The following EBF1 variants were observed in gnomAD, a reference collection of about 807,000 sequenced individuals.
EBF1 encodes the protein transcription factor COE1.
Under a neutral mutation model 68.4 loss-of-function variants are expected in EBF1, and 10 were observed. The ratio of observed to expected loss-of-function variants is 0.15; its 90% CI spans 0.09 to 0.25. EBF1 has a LOEUF of 0.25. EBF1 is among the 10% of genes least tolerant of loss of function. The pLI is 1.00. For synonymous variants in EBF1, 298 were observed against 299.8 expected (o/e 0.99, Z 0.06); for missense variants, 509 against 794.4 (o/e 0.64, Z 4.32).
chr5:158,928,226 TG>T (rs1810088753), intron 6 of EBF1, among the ~76,000 whole-genome samples: 1 of 152,198 alleles, frequency 6.6e-6, no homozygotes, highest in Non-Finnish European at 1.5e-5. Context: ...CAATAGGACC[TG>T]CTCCATAGGC....
chr5:159,068,660 G>A (rs575249607), intron 6 of EBF1, among the ~76,000 whole-genome samples: 72 of 152,090 alleles, frequency 4.7e-4, no homozygotes, highest in Admixed American at 7.9e-4. Context: ...TTCATATGAT[G>A]TACATCATAT....
intron 6 of EBF1, among the ~76,000 whole-genome samples, chr5:158,911,815 A>T (rs1806044253): frequency 1.3e-5 from 2 of 152,212 alleles, no homozygotes; most frequent in African/African-American, 4.8e-5. Flanking sequence ...GCTAAAATGT[A>T]ACTATTAAGT....
intron 1 of EBF1, among the ~76,000 whole-genome samples, chr5:159,098,928 GAGAAAGAA>G (rs752355108): frequency 6.7e-6 from 1 of 149,220 alleles, no homozygotes; most frequent in Non-Finnish European, 1.5e-5. Flanking sequence ...AAGGAAGGAA[GAGAAAGAA>G]AGAAAGAAAA....
At chr5:158,908,788 G>A (rs1805229161) in intron 6 of EBF1, among the ~76,000 whole-genome samples, 3 of 152,210 alleles carry the variant, frequency 2.0e-5, no homozygotes. Flanking sequence ...CTCGGTGATT[G>A]GCAGCCAACT....
chr5:158,727,924 G>T (rs1289725997), intron 11 of EBF1, among the ~76,000 whole-genome samples: 1 of 152,160 alleles, frequency 6.6e-6, no homozygotes, highest in Non-Finnish European at 1.5e-5. Context: ...GAATGTGTGG[G>T]TGGTTGTATG....
intron 6 of EBF1, among the ~76,000 whole-genome samples, chr5:158,978,005 A>C (rs1028093564): frequency 1.3e-5 from 2 of 152,214 alleles, no homozygotes; most frequent in African/African-American, 4.8e-5. Context: ...TCACACCCAC[A>C]CGGTCTACCC....
chr5:159,022,760 G>A (rs1197633486), intron 6 of EBF1, among the ~76,000 whole-genome samples: 1 of 152,048 alleles, frequency 6.6e-6, no homozygotes, highest in Non-Finnish European at 1.5e-5. Flanking sequence ...AACGCCACTT[G>A]TTTCTCAAAG....
At chr5:159,068,417 A>G (rs1240531568) in intron 6 of EBF1, among the ~76,000 whole-genome samples, 2 of 152,040 alleles carry the variant, frequency 1.3e-5, no homozygotes, top group Non-Finnish European at 2.9e-5. Context: ...ATGGTTAGAT[A>G]GATAGATCTC....
At chr5:158,796,281 C>G (rs1779603341) in intron 9 of EBF1, 64 bp downstream of exon 9, 54 of 1,474,552 alleles carry the variant, frequency 3.7e-5, no homozygotes, top group Non-Finnish European at 4.6e-5. Flanking sequence ...ATTAGAAATT[C>G]AAGTATAGAC....
intron 6 of EBF1, among the ~76,000 whole-genome samples, chr5:159,069,629 A>G (rs931564908): frequency 6.6e-6 from 1 of 152,174 alleles, no homozygotes; most frequent in Non-Finnish European, 1.5e-5. Context: ...AAGTTTCCAT[A>G]TAGAAAGATT....
intron 11 of EBF1, among the ~76,000 whole-genome samples, chr5:158,725,464 C>T (rs188054863): frequency 3.9e-5 from 6 of 152,234 alleles, no homozygotes; most frequent in African/African-American, 1.4e-4. Context: ...TCTCTCTTCC[C>T]CTTTGAGGGC....
intron 10 of EBF1, among the ~76,000 whole-genome samples, 183 bp downstream of exon 10, chr5:158,777,230 A>G (rs1167284777): frequency 1.3e-5 from 2 of 152,214 alleles, no homozygotes; most frequent in African/African-American, 4.8e-5. Context: ...ATGGACACCT[A>G]GAAGAATTCT....
intron 11 of EBF1, among the ~76,000 whole-genome samples, chr5:158,729,308 C>A (rs943782649): frequency 2.0e-5 from 3 of 152,174 alleles, no homozygotes; most frequent in Non-Finnish European, 4.4e-5. Flanking sequence ...TCCTCAATAC[C>A]TCCAGTGGAC....
intron 7 of EBF1, among the ~76,000 whole-genome samples, chr5:158,825,532 G>A (rs1785895393): frequency 6.7e-6 from 1 of 149,986 alleles, no homozygotes; most frequent in Admixed American, 6.7e-5. Context: ...GCACCTGTAA[G>A]ACACAAGCTC....
At chr5:158,880,927 T>A (rs1798784054) in intron 6 of EBF1, among the ~76,000 whole-genome samples, 1 of 152,126 alleles carries the variant, frequency 6.6e-6, no homozygotes, top group Admixed American at 6.5e-5. Flanking sequence ...AGGTTATTGA[T>A]TAAAATAAAG....
At chr5:158,749,110 T>C in intron 10 of EBF1, among the ~76,000 whole-genome samples, 1 of 152,088 alleles carries the variant, frequency 6.6e-6, no homozygotes, top group Non-Finnish European at 1.5e-5. Flanking sequence ...AGAAGCAAGC[T>C]CCTTGAGGAA....
At chr5:158,970,150 C>T (rs1755327028) in intron 6 of EBF1, among the ~76,000 whole-genome samples, 1 of 152,116 alleles carries the variant, frequency 6.6e-6, no homozygotes, top group Non-Finnish European at 1.5e-5. Flanking sequence ...ATTTTATCTG[C>T]CTATTCCATG....
chr5:159,073,252 A>G (rs1237906145), intron 6 of EBF1, 144 bp downstream of exon 6: 1 of 756,894 alleles, frequency 1.3e-6, no homozygotes, highest in Non-Finnish European at 2.2e-6. Flanking sequence ...CCCAGGAATC[A>G]AAATCGCTCA....
intron 6 of EBF1, among the ~76,000 whole-genome samples, chr5:159,063,808 G>T (rs954725560): frequency 6.6e-6 from 1 of 152,182 alleles, no homozygotes; most frequent in African/African-American, 2.4e-5. Context: ...AATTGCAAGA[G>T]CTACCTGATT....
Sources: allele counts gnomAD v4.1 joint callset (sites outside exome capture counted in the v4.1 genomes callset), GRCh38; gene constraint gnomAD v4.1.1; transcripts MANE v1.5; gene names NCBI Gene and HGNC (gene_info 2026-07-23, HGNC 2026-07-21).